The following PLK4 variants were observed in gnomAD, a reference collection of about 807,000 sequenced individuals.
The protein encoded by PLK4 is serine/threonine-protein kinase PLK4.
In PLK4, 51 loss-of-function variants were observed where a neutral mutation model predicts 103.0. The observed-to-expected ratio is 0.50, with a 90% CI of 0.40 to 0.63. The LOEUF is 0.63. Among genes scored for constraint, PLK4 ranks in the 20% least tolerant of loss-of-function variants. The probability of loss-of-function intolerance (pLI) is 0.00; values close to 1 mark genes in which losing one functional copy is unlikely to be tolerated. For missense variants in PLK4, 1,054 were observed against 1,151.0 expected (o/e 0.92, Z 1.22); for synonymous variants, 389 against 376.8 (o/e 1.03, Z -0.38).
Position 127,893,609 on chromosome 4 carries a change from A to G in PLK4, c.2414+5A>G, listed in dbSNP as rs944178646. 6.2e-7 allele frequency: 1 copy of G among 1,600,740 alleles called. No homozygotes were observed. The highest frequency in any genetic ancestry group is 1.3e-5 in the African/African-American group (1 of 74,270). On this transcript the variant is annotated splice_donor_5th_base_variant and intron_variant, in intron 12 of 15. Coordinates refer to ENST00000270861, the MANE Select transcript of PLK4 (RefSeq NM_014264.5). ...TTTCCCAATAATCATAGGAAGGTAA[A>G]TGTCTGAAAATTTTAAACATATGGC...
At chr4:127,894,279 T>G (rs1578766963) in intron 13 of PLK4, among the ~76,000 whole-genome samples, 1 of 152,010 alleles carries the variant, frequency 6.6e-6, no homozygotes, top group South Asian at 2.1e-4. Context: ...CAGGCTGGAG[T>G]GCAGTGGCAC....
chr4:127,883,471 G>A lies in PLK4; in HGVS notation c.255G>A (p.Val85=). The change falls in exon 4 of 16, where the codon GTG becomes GTA. Residue 85 remains valine, a synonymous_variant. Transcript: ENST00000270861. The stretch of plus-strand genomic sequence containing the variant: ...ACTATTTTGAAGATAGCAATTATGT[G>A]TATCTGGTATTAGAAATGTGCCATA... The part of the protein sequence containing the change: ...LYNYFEDSNY[V]YLVLEMCHNG... The A allele has an allele frequency of 6.6e-7, 1 of 1,518,322 alleles. No homozygotes were observed. Among genetic ancestry groups the A allele is most frequent in the Non-Finnish European group, 9.1e-7 (1 of 1,093,620 alleles). The allele number at this position is 1,518,322 out of a possible 1,614,324, so 94.1% of individuals were successfully genotyped here. A position where few individuals can be genotyped will look rare whatever the true frequency, so the allele number is the denominator to read the frequency against.
rs1370807458 is a variant in PLK4, at chr4:127,890,203, A to G, written c.1797A>G (p.Leu599=). ...SITSPLVAHR[L]KPIRQKTKKA... ...CATCTCCGTTGGTTGCTCACAGGTTAAAACCAATCAGACAGAAAACCAAAA... is the reference window on the plus strand; with the variant it reads ...CATCTCCGTTGGTTGCTCACAGGTTGAAACCAATCAGACAGAAAACCAAAA... Residue 599 remains leucine, a synonymous_variant, in exon 7 of 16, where the codon TTA becomes TTG. Coordinates refer to ENST00000270861, the MANE Select transcript of PLK4 (RefSeq NM_014264.5). 3.1e-6 allele frequency: 5 copies of G among 1,608,856 alleles called. No individual in the cohort carries two copies. Among genetic ancestry groups the G allele is most frequent in the Non-Finnish European group, 4.2e-6 (5 of 1,177,496 alleles).
At position 127,881,051 on chromosome 4, in the gene PLK4, G is replaced by A; in HGVS notation, c.-84G>A. The A allele has an allele frequency of 1.3e-6, 2 of 1,530,804 alleles. No homozygotes were observed. Among genetic ancestry groups the A allele is most frequent in the South Asian group, 2.2e-5 (2 of 88,954 alleles). The allele number at this position is 1,530,804 out of a possible 1,614,324, so 94.8% of individuals were successfully genotyped here. On this transcript the variant is annotated 5_prime_UTR_variant, in exon 1 of 16. Transcript: ENST00000270861. ...GAGAGCCGAGCCTGATGGGCGCCAA[G>A]GCCGGCTGGCTGCTTGGAGCGCTGC...
At chr4:127,888,573 G>A (rs896318362) in intron 6 of PLK4, among the ~76,000 whole-genome samples, 1 of 152,150 alleles carries the variant, frequency 6.6e-6, no homozygotes, top group Non-Finnish European at 1.5e-5. Flanking sequence ...ACAGTATAGG[G>A]TACCAATGGG....
chr4:127,899,073 A>G lies in PLK4; in HGVS notation c.*532A>G. On this transcript the variant is annotated 3_prime_UTR_variant, in exon 16 of 16. Transcript: ENST00000270861. ...AAAAATAAATATAGTGATAAGTTAC[A>G]TTATCTTTTGATTCATTTAATTAAA... is the stretch of plus-strand genomic sequence containing the variant. The G allele has an allele frequency of 6.6e-6, 1 of 152,348 alleles. No homozygotes were observed. The highest frequency in any genetic ancestry group is 1.9e-4 in the East Asian group (1 of 5,202). The allele number at this position is 152,348 out of a possible 1,614,324, so 9.4% of individuals were successfully genotyped here.
rs1025112868 is a variant in PLK4 at position 127,883,131 on chromosome 4, A to T, written c.127-131A>T. The T allele has an allele frequency of 8.7e-6, 5 of 575,254 alleles. No homozygotes were observed. In the South Asian group the frequency reaches 1.3e-4, roughly 15 times the overall value. 35.6% of individuals were successfully genotyped at this position (575,254 alleles called of 1,614,324 possible). A position where few individuals can be genotyped will look rare whatever the true frequency, so the allele number is the denominator to read the frequency against. ...TCTGCTAGGTGCATGGGGAAAACAGATAACAGTAGGTTGACCACAAAGACG... is the reference window on the plus strand; with the variant it reads ...TCTGCTAGGTGCATGGGGAAAACAGTTAACAGTAGGTTGACCACAAAGACG... On this transcript the variant is annotated intron_variant, in intron 2 of 15. Coordinates refer to ENST00000270861, the MANE Select transcript of PLK4 (RefSeq NM_014264.5).
Position 127,892,534 on chromosome 4 carries a change from G to T in PLK4, c.2188+20G>T. 6.3e-7 allele frequency: 1 copy of T among 1,588,996 alleles called. No individual in the cohort carries two copies. The highest frequency in any genetic ancestry group is 1.1e-5 in the South Asian group (1 of 87,822). On this transcript the variant is annotated intron_variant, in intron 10 of 15. Coordinates refer to ENST00000270861, the MANE Select transcript of PLK4 (RefSeq NM_014264.5). ...ATGATGGTAAGTACCATTTGGAAATGGTAATTTGTTCCTTTAGTTTGTAAT... is the reference window on the plus strand; with the variant it reads ...ATGATGGTAAGTACCATTTGGAAATTGTAATTTGTTCCTTTAGTTTGTAAT...
rs3811740 is a variant in PLK4, at chr4:127,886,064, T to A, written c.694T>A (p.Ser232Thr). ...KVVLADYEMP[S>T]FLSIEAKDLI... ...AGTATTGGCAGATTATGAAATGCCA[T>A]CTTTTTTGTCAATAGAGGCCAAGGA... is the stretch of plus-strand genomic sequence containing the variant. The change falls in exon 5 of 16, where the codon TCT becomes ACT. Residue 232 changes from serine to threonine, a missense_variant. Physicochemically the swap from Ser to Thr is moderately conservative, Grantham distance 58. Coordinates refer to ENST00000270861, the MANE Select transcript of PLK4 (RefSeq NM_014264.5). 1,080,513 of 1,613,604 alleles carry A rather than the reference T, an allele frequency of 0.67. 364,193 individuals are homozygous for A. The highest frequency in any genetic ancestry group is 0.83 in the Middle Eastern group (5,030 of 6,062).
intron 9 of PLK4, 53 bp downstream of exon 9, chr4:127,891,734 C>A: frequency 3.4e-6 from 2 of 594,850 alleles, no homozygotes; most frequent in Non-Finnish European, 5.8e-6. Flanking sequence ...TATGTATATA[C>A]GTATAAACTC....
chr4:127,880,990 C>T lies in PLK4; in HGVS notation c.-145C>T, dbSNP rs1041143426. 7 of 865,572 alleles carry T rather than the reference C, an allele frequency of 8.1e-6. No homozygotes were observed. Among genetic ancestry groups the T allele is most frequent in the African/African-American group, 1.7e-5 (1 of 59,402 alleles). 53.6% of individuals were successfully genotyped at this position (865,572 alleles called of 1,614,324 possible). On this transcript the variant is annotated 5_prime_UTR_variant, in exon 1 of 16. Transcript: ENST00000270861. ...TCGGAAGGTGTCAGGGAGAACTTTCCGTGGTTTCAGCGTCGTCGCCTGGAG... is the reference window on the plus strand; with the variant it reads ...TCGGAAGGTGTCAGGGAGAACTTTCTGTGGTTTCAGCGTCGTCGCCTGGAG...
rs1441755006 is a variant in PLK4, at chr4:127,881,126, C to A, written c.-9C>A. 6.2e-7 allele frequency: 1 copy of A among 1,613,810 alleles called. No homozygotes were observed. The highest frequency in any genetic ancestry group is 1.7e-5 in the Admixed American group (1 of 60,004). On this transcript the variant is annotated 5_prime_UTR_variant, in exon 1 of 16. Transcript: ENST00000270861. The stretch of plus-strand genomic sequence containing the variant: ...CTAATCCGGAGAACCCAGGCCAGAG[C>A]CTGGAAATATGGCGACCTGCATCGG...
chr4:127,892,576 T>C, intron 10 of PLK4, 62 bp downstream of exon 10: 1 of 1,342,908 alleles, frequency 7.4e-7, no homozygotes, highest in Non-Finnish European at 1.0e-6. Context: ...GTTACGTATA[T>C]GTGGGTTTTT....
At chr4:127,894,632 A>G (rs1177013440) in intron 13 of PLK4, among the ~76,000 whole-genome samples, 1 of 152,210 alleles carries the variant, frequency 6.6e-6, no homozygotes, top group African/African-American at 2.4e-5. Flanking sequence ...GATGAAGATT[A>G]TATAGCAGTG....
chr4:127,886,004 G>T lies in PLK4; in HGVS notation c.634G>T (p.Asp212Tyr), dbSNP rs373205220. ...YTLLIGRPPF[D>Y]TDTVKNTLNK... is the part of the protein sequence containing the mutation. ...ATTACTTATCGGGAGACCACCCTTC[G>T]ACACTGACACAGTCAAGAACACATT... Residue 212 changes from aspartate (D) to tyrosine (Y), a missense_variant, in exon 5 of 16, where the codon GAC (aspartate) becomes TAC (tyrosine). Physicochemically the swap from Asp to Tyr is radical, Grantham distance 160. Around this residue, in one of 4 missense-constraint regions of PLK4, gnomAD observed 199 missense variants for 270.1 expected, o/e 0.74. Transcript: ENST00000270861. 5.7e-5 allele frequency: 92 copies of T among 1,614,046 alleles called. No individual in the cohort carries two copies. Among genetic ancestry groups the T allele is most frequent in the Non-Finnish European group, 7.7e-5 (91 of 1,179,934 alleles).
intron 1 of PLK4, among the ~76,000 whole-genome samples, 196 bp from the exon 2 acceptor site, chr4:127,881,635 C>T (rs557706395): frequency 2.0e-4 from 31 of 152,252 alleles, no homozygotes; most frequent in African/African-American, 7.2e-4. Context: ...GCTTCCAGTC[C>T]AGCCTGGAAG....
At chr4:127,898,208 A>G (rs1435499935) in intron 15 of PLK4, among the ~76,000 whole-genome samples, 1 of 152,164 alleles carries the variant, frequency 6.6e-6, no homozygotes, top group Non-Finnish European at 1.5e-5. Context: ...GTTCAAGTTT[A>G]TCTAATTTTC....
rs112831813 is a variant in PLK4, at chr4:127,887,465, A to G, written c.1428A>G (p.Val476=). 2 of 1,608,568 alleles carry G rather than the reference A, an allele frequency of 1.2e-6. No individual in the cohort carries two copies. The highest frequency in any genetic ancestry group is 8.5e-7 in the Non-Finnish European group (1 of 1,175,872). ...ACCCGACACCTCAGACTGAAACCGTACAACAGTGGTTTGGGAATCTGCAAA... is the reference window on the plus strand; with the variant it reads ...ACCCGACACCTCAGACTGAAACCGTGCAACAGTGGTTTGGGAATCTGCAAA... ...FADPTPQTET[V]QQWFGNLQIN... is the part of the protein sequence containing the mutation. Residue 476 remains valine (V), a synonymous_variant, in exon 6 of 16, where the codon GTA becomes GTG. Coordinates refer to ENST00000270861, the MANE Select transcript of PLK4 (RefSeq NM_014264.5).
chr4:127,887,871 CAAAAAA>C (rs34675793), intron 6 of PLK4, among the ~76,000 whole-genome samples: 4 of 40,400 alleles, frequency 9.9e-5, no homozygotes, highest in Non-Finnish European at 1.4e-4. Flanking sequence ...GAGACCCTGT[CAAAAAA>C]AAAAAAAAAA....
Sources: gnomAD v4.1 joint callset for allele counts (sites outside exome capture counted in the v4.1 genomes callset) on GRCh38, gnomAD v4.1.1 for gene constraint, gnomAD v4.1.1 regional missense constraint, MANE v1.5 for transcripts, NCBI Gene and HGNC (gene_info 2026-07-23, HGNC 2026-07-21) for gene names.